SHLD2: variants seen among roughly 807,000 people sequenced by gnomAD.
SHLD2 encodes shieldin complex subunit 2, also known as RINN1-REV7-interacting novel NHEJ regulator 2.
Under a neutral mutation model 73.2 loss-of-function variants are expected in SHLD2, and 30 were observed. The ratio of observed to expected loss-of-function variants is 0.41; its 90% CI spans 0.31 to 0.56. The LOEUF is 0.56. Among genes scored for constraint, SHLD2 ranks in the 20% least tolerant of loss-of-function variants. The pLI, the probability that SHLD2 is intolerant of heterozygous loss-of-function variation, is 0.28. For synonymous variants in SHLD2, 285 were observed against 370.1 expected (o/e 0.77, Z 2.64); for missense variants, 745 against 1,055.9 (o/e 0.71, Z 4.08).
At chr10:87,102,901 G>C (rs1842359673) in intron 2 of SHLD2, among the ~76,000 whole-genome samples, 1 of 151,668 alleles carries the variant, frequency 6.6e-6, no homozygotes, top group South Asian at 2.1e-4. Context: ...GAGTAAACAA[G>C]GACTTTTAAA....
At chr10:87,140,168 T>C (rs1589532845) in intron 2 of SHLD2, among the ~76,000 whole-genome samples, 1 of 152,080 alleles carries the variant, frequency 6.6e-6, no homozygotes, top group East Asian at 1.9e-4. Flanking sequence ...CTTGTAATCC[T>C]AGCACTTTGG....
Position 87,152,129 on chromosome 10 carries a change from G to A in SHLD2, c.775G>A (p.Asp259Asn). Residue 259 changes from aspartate (D) to asparagine (N), a missense_variant, in exon 3 of 10, where the codon GAT (aspartate) becomes AAT (asparagine). By Grantham distance (23) the Asp-to-Asn change is conservative. Transcript: ENST00000298786. ...SQVAFLAQKK[D>N]KRRSPVNKGN... is the part of the protein sequence containing the mutation. ...GGTTGCTTTTTTAGCTCAAAAGAAA[G>A]ATAAAAGGCGGAGTCCTGTAAATAA... 5.6e-6 allele frequency: 9 copies of A among 1,611,768 alleles called. No individual in the cohort carries two copies. Among genetic ancestry groups the A allele is most frequent in the Non-Finnish European group, 7.6e-6 (9 of 1,179,774 alleles).
intron 3 of SHLD2, among the ~76,000 whole-genome samples, chr10:87,156,507 A>C (rs546168862): frequency 1.3e-3 from 202 of 152,302 alleles, no homozygotes; most frequent in Non-Finnish European, 2.4e-3. Context: ...ACTGACTAGA[A>C]TTAGAAGAAG....
upstream of SHLD2, chr10:87,094,692 C>G: frequency 6.7e-7 from 1 of 1,499,012 alleles, no homozygotes; most frequent in South Asian, 1.3e-5. The surrounding 1 kb of genome is among the most constrained non-coding windows in gnomAD (Gnocchi z 6.6). Flanking sequence ...GCAACGCGGC[C>G]GAGTCGGCGG....
At position 87,190,746 on chromosome 10, in the gene SHLD2, A is replaced by G. The variant is rs953954223; in HGVS notation, c.*63A>G. ...GTACTGAAATGATTTGTCTTTTGAAATAAATGAATGACAGGGCTTTTGCTT... is the reference window on the plus strand; with the variant it reads ...GTACTGAAATGATTTGTCTTTTGAAGTAAATGAATGACAGGGCTTTTGCTT... On this transcript the variant is annotated 3_prime_UTR_variant, in exon 10 of 10. Transcript: ENST00000298786. 6 of 1,346,966 alleles carry G rather than the reference A, an allele frequency of 4.5e-6. No individual in the cohort carries two copies. In the South Asian group the frequency reaches 4.8e-5, roughly 11 times the overall value. The allele number at this position is 1,346,966 out of a possible 1,614,324, so 83.4% of individuals were successfully genotyped here.
chr10:87,165,427 A>T (rs1200015056), intron 4 of SHLD2, among the ~76,000 whole-genome samples: 1 of 152,330 alleles, frequency 6.6e-6, no homozygotes, highest in African/African-American at 2.4e-5. Flanking sequence ...AGTGATTGGG[A>T]TAAATATCAC....
intron 2 of SHLD2, chr10:87,115,311 A>T (rs1271654601): frequency 6.6e-6 from 1 of 152,238 alleles, no homozygotes; most frequent in African/African-American, 2.4e-5. Flanking sequence ...TCGGCCTCCC[A>T]AAGTGTTTGG....
In SHLD2 at chr10:87,151,957, A is replaced by T. The variant is rs773152723; in HGVS notation, c.603A>T (p.Thr201=). 1.2e-5 allele frequency: 20 copies of T among 1,611,946 alleles called. No individual in the cohort carries two copies. Among genetic ancestry groups the T allele is most frequent in the Non-Finnish European group, 1.7e-5 (20 of 1,179,794 alleles). Residue 201 remains threonine (T), a synonymous_variant, in exon 3 of 10, where the codon ACA becomes ACT. Transcript: ENST00000298786. ...TGGTACAAAGAGAGTGTGTGCCAAC[A>T]GAATATCATGAAATACAAAACCAGT... ...PEVVQRECVP[T]EYHEIQNQCL...
At chr10:87,145,369 C>A (rs1316757431) in intron 2 of SHLD2, among the ~76,000 whole-genome samples, 1 of 152,038 alleles carries the variant, frequency 6.6e-6, no homozygotes, top group Admixed American at 6.6e-5. Flanking sequence ...GTATAATGAA[C>A]CCCATGCAAC....
chr10:87,120,030 T>C (rs149683782), intron 2 of SHLD2, among the ~76,000 whole-genome samples: 1,924 of 152,004 alleles, frequency 0.013, 46 homozygotes, highest in African/African-American at 0.044. Context: ...TGTGATGAGA[T>C]TTCTAATATT....
At chr10:87,113,616 A>G (rs1413119361) in intron 2 of SHLD2, among the ~76,000 whole-genome samples, 1 of 152,198 alleles carries the variant, frequency 6.6e-6, no homozygotes, top group Non-Finnish European at 1.5e-5. Flanking sequence ...GGTGATAGAA[A>G]TGTTCTGGAA....
chr10:87,112,504 T>G (rs1312480544), intron 2 of SHLD2, among the ~76,000 whole-genome samples: 1 of 151,904 alleles, frequency 6.6e-6, no homozygotes, highest in Admixed American at 6.6e-5. Context: ...CGTGGTGGTT[T>G]GTGCCTGTAG....
At chr10:87,180,047 T>C in intron 7 of SHLD2, 28 bp from the exon 8 acceptor site, 1 of 1,588,742 alleles carries the variant, frequency 6.3e-7, no homozygotes, top group Non-Finnish European at 8.6e-7. Context: ...GCCCAATAAT[T>C]TATAATATAT....
At chr10:87,159,882 G>A (rs1277571267) in intron 4 of SHLD2, among the ~76,000 whole-genome samples, 3 of 152,160 alleles carry the variant, frequency 2.0e-5, no homozygotes, top group Non-Finnish European at 4.4e-5. Flanking sequence ...AAGTGGAAAT[G>A]TCATATAAGA....
At position 87,141,847 on chromosome 10, in the gene SHLD2, A is replaced by G. The variant is rs192605699; in HGVS notation, c.-5-9503A>G. ...GGAGTTCAAGACTAGCCTGGCCAAC[A>G]TGGCGAAACCCCGTCTCTACTAAAA... is the stretch of plus-strand genomic sequence containing the variant. On this transcript the variant is annotated intron_variant, in intron 2 of 9. Transcript: ENST00000298786. Among the ~76,000 whole-genome samples, 922 of 152,262 alleles carry G rather than the reference A, an allele frequency of 6.1e-3. 11 individuals are homozygous for G. Among genetic ancestry groups the G allele is most frequent in the African/African-American group, 0.021 (864 of 41,540 alleles).
chr10:87,166,284 A>G (rs1237880339), intron 4 of SHLD2, among the ~76,000 whole-genome samples: 1 of 151,714 alleles, frequency 6.6e-6, no homozygotes, highest in Non-Finnish European at 1.5e-5. Flanking sequence ...AAATTATTAG[A>G]AATAATGTGA....
intron 4 of SHLD2, among the ~76,000 whole-genome samples, chr10:87,165,263 CT>C (rs1847120423): frequency 6.6e-6 from 1 of 151,776 alleles, no homozygotes; most frequent in African/African-American, 2.4e-5. Flanking sequence ...AAATACTGCA[CT>C]GACACAAATG....
At chr10:87,101,481 G>T (rs1018822691) in intron 2 of SHLD2, among the ~76,000 whole-genome samples, 17 of 152,182 alleles carry the variant, frequency 1.1e-4, no homozygotes, top group African/African-American at 3.9e-4. Flanking sequence ...GTATGGCCTT[G>T]AACTCCTGGG....
chr10:87,094,831 C>T, upstream of SHLD2: 13 of 1,314,062 alleles, frequency 9.9e-6, no homozygotes, highest in South Asian at 1.7e-4. The surrounding 1 kb of genome is among the most constrained non-coding windows in gnomAD (Gnocchi z 6.6). Context: ...TCAGACTCCC[C>T]GCGACTAGGG....
Sources: allele counts gnomAD v4.1 joint callset (sites outside exome capture counted in the v4.1 genomes callset), GRCh38; gene constraint gnomAD v4.1.1; non-coding constraint Gnocchi (gnomAD v3.1); transcripts MANE v1.5; gene names NCBI Gene and HGNC (gene_info 2026-07-23, HGNC 2026-07-21).